ATP10A: variants seen among roughly 807,000 people sequenced by gnomAD.
The protein encoded by ATP10A is phospholipid-transporting ATPase VA.
Under a neutral mutation model 147.8 loss-of-function variants are expected in ATP10A, and 111 were observed. The observed-to-expected ratio is 0.75, with a 90% confidence interval of 0.64 to 0.88. ATP10A has a LOEUF of 0.88. Among genes scored for constraint, ATP10A ranks in the 40% least tolerant of loss-of-function variants. The pLI is 0.00. For synonymous variants in ATP10A, 875 were observed against 841.6 expected, an observed-to-expected ratio of 1.04 and a Z score of -0.69; for missense variants, 1,927 against 1,959.0, an observed-to-expected ratio of 0.98 and a Z score of 0.31.
chr15:25,721,744 A>C lies in ATP10A; in HGVS notation c.1276T>G (p.Ser426Ala). Residue 426 changes from serine to alanine, a missense_variant, in exon 7 of 21, where the codon TCA becomes GCA. Transcript: ENST00000555815. Reference sequence around the variant, plus strand: ...TCTGTCAAAGTGCCAGTTTTATCTGAGAAAATGTACTGTATCTGTCCTAAG... The same window carrying C: ...TCTGTCAAAGTGCCAGTTTTATCTGCGAAAATGTACTGTATCTGTCCTAAG... Reference protein sequence around the residue: ...EDLGQIQYIFSDKTGTLTENK... With the variant: ...EDLGQIQYIFADKTGTLTENK... 1 of 1,614,210 alleles carries C rather than the reference A, an allele frequency of 6.2e-7. No homozygotes were observed.
chr15:25,697,234 A>G (rs1900388398), intron 13 of ATP10A, among the ~76,000 whole-genome samples: 1 of 152,234 alleles, frequency 6.6e-6, no homozygotes, highest in African/African-American at 2.4e-5. Context: ...ATGCAAGACT[A>G]GGTCTTATAA....
At chr15:25,777,617 G>A (rs1022512199) in intron 2 of ATP10A, among the ~76,000 whole-genome samples, 1 of 151,638 alleles carries the variant, frequency 6.6e-6, no homozygotes, top group African/African-American at 2.4e-5. Flanking sequence ...ATATATATTG[G>A]AGACAGAGAT....
intron 2 of ATP10A, among the ~76,000 whole-genome samples, chr15:25,749,963 T>C (rs1888061910): frequency 1.3e-5 from 2 of 151,980 alleles, no homozygotes; most frequent in Admixed American, 6.6e-5. Context: ...AAAGAGAGGA[T>C]TGGTAAGTTG....
rs183416922 is a variant in ATP10A at position 25,705,019 on chromosome 15, A to T, written c.2576-2919T>A. The stretch of plus-strand genomic sequence containing the variant: ...ACTAGCAAGGACGCCGGGGAAAATG[A>T]GCAAGAGTATCCTTTGAATTTAGGT... On this transcript the variant is annotated intron_variant, in intron 12 of 20. Coordinates refer to ENST00000555815, the MANE Select transcript of ATP10A (RefSeq NM_024490.4). Among the ~76,000 whole-genome samples, 46 of 152,362 alleles carry T rather than the reference A, an allele frequency of 3.0e-4. No homozygotes were observed. In the East Asian group the frequency reaches 7.5e-3, roughly 25 times the overall value.
intron 1 of ATP10A, among the ~76,000 whole-genome samples, chr15:25,824,887 G>A (rs1353691672): frequency 6.6e-6 from 1 of 152,082 alleles, no homozygotes; most frequent in Non-Finnish European, 1.5e-5. Context: ...TAGGCCAGGT[G>A]CTGTGGTTCA....
chr15:25,762,656 A>G (rs1318291885), intron 2 of ATP10A, among the ~76,000 whole-genome samples: 1 of 152,164 alleles, frequency 6.6e-6, no homozygotes, highest in Non-Finnish European at 1.5e-5. Flanking sequence ...ATCATAGCTC[A>G]CTGCAAACTA....
chr15:25,727,713 A>AT (rs918996584), intron 3 of ATP10A, among the ~76,000 whole-genome samples: 1 of 152,234 alleles, frequency 6.6e-6, no homozygotes, highest in Non-Finnish European at 1.5e-5. Context: ...TATTGGTTTC[A>AT]TTTTTAACAT....
At chr15:25,800,536 C>T (rs1160451732) in intron 1 of ATP10A, among the ~76,000 whole-genome samples, 5 of 152,318 alleles carry the variant, frequency 3.3e-5, no homozygotes, top group Admixed American at 6.5e-5. Flanking sequence ...TCACTCCACG[C>T]GTGCCTGCTG....
At chr15:25,861,964 G>T in intron 1 of ATP10A, 2 of 287,738 alleles carry the variant, frequency 7.0e-6, no homozygotes, top group Non-Finnish European at 1.4e-5. Flanking sequence ...TCCATCGCAG[G>T]GTCACCCCTG....
intron 1 of ATP10A, chr15:25,861,913 G>A (rs940176895): frequency 1.3e-5 from 3 of 223,672 alleles, no homozygotes; most frequent in Admixed American, 5.3e-5. Context: ...CAGGTCCGCC[G>A]GAGACTCTAA....
chr15:25,837,389 G>A (rs566822318), intron 1 of ATP10A, among the ~76,000 whole-genome samples: 89 of 152,276 alleles, frequency 5.8e-4, no homozygotes, highest in Admixed American at 2.7e-3. Flanking sequence ...TGAACCTGAG[G>A]GACCTGAAGT....
chr15:25,862,707 G>GTCC lies in ATP10A; in HGVS notation c.387_389dup (p.Glu129dup). ...TGTGGTCGGAGCGGTGGCGGCTGTA[G>GTCC]TCCTCCCACAGGTCCCTGAAGGCCG... On this transcript the variant is annotated inframe_insertion, in exon 1 of 21. Coordinates refer to ENST00000555815, the MANE Select transcript of ATP10A (RefSeq NM_024490.4). The GTCC allele has an allele frequency of 6.2e-7, 1 of 1,610,534 alleles. No individual in the cohort carries two copies. Among genetic ancestry groups the GTCC allele is most frequent in the East Asian group, 2.2e-5 (1 of 44,744 alleles).
intron 2 of ATP10A, among the ~76,000 whole-genome samples, chr15:25,740,345 A>G (rs931415732): frequency 1.3e-5 from 2 of 152,242 alleles, no homozygotes; most frequent in African/African-American, 4.8e-5. Flanking sequence ...GGTCATCTGC[A>G]GGTCTGCTGC....
intron 7 of ATP10A, among the ~76,000 whole-genome samples, chr15:25,718,639 GCTTT>G (rs1167597287): frequency 6.6e-6 from 1 of 152,140 alleles, no homozygotes; most frequent in Non-Finnish European, 1.5e-5. Flanking sequence ...AACGTAAGGA[GCTTT>G]CTAAGGTCGC....
intron 1 of ATP10A, among the ~76,000 whole-genome samples, chr15:25,797,851 G>A (rs550830972): frequency 1.3e-5 from 2 of 152,198 alleles, no homozygotes; most frequent in African/African-American, 4.8e-5. Flanking sequence ...CATGCTACCC[G>A]ATCTCACCCT....
intron 2 of ATP10A, among the ~76,000 whole-genome samples, chr15:25,752,436 T>TCC: frequency 1.3e-5 from 2 of 152,344 alleles, no homozygotes; most frequent in East Asian, 3.9e-4. Context: ...ATATGTGGAA[T>TCC]CTAAAGCAAC....
At chr15:25,672,312 T>C (rs1365448349), downstream of ATP10A, among the ~76,000 whole-genome samples, 2 of 152,202 alleles carry the variant, frequency 1.3e-5, no homozygotes, top group East Asian at 3.8e-4. Context: ...GTACATGTGT[T>C]AGACATTCCC....
In ATP10A at chr15:25,855,573, C is replaced by CACACAT. The variant is rs1324967698; in HGVS notation, c.449+7074_449+7075insATGTGT. 7.9e-5 allele frequency among the ~76,000 whole-genome samples: 12 copies of CACACAT among 151,706 alleles called. No homozygotes were observed. In the East Asian group the frequency reaches 1.9e-3, roughly 24 times the overall value. ...ACACACACACACACACACACACACA[C>CACACAT]ATACATGCAAACAGCTAGCATCATA... On this transcript the variant is annotated intron_variant, in intron 1 of 20. Transcript: ENST00000555815.
At chr15:25,685,472 G>A (rs1048982743) in intron 16 of ATP10A, among the ~76,000 whole-genome samples, 1 of 152,104 alleles carries the variant, frequency 6.6e-6, no homozygotes, top group African/African-American at 2.4e-5. Flanking sequence ...CCTTCGATCT[G>A]AGACATTTTA....
Sources: allele counts gnomAD v4.1 joint callset (sites outside exome capture counted in the v4.1 genomes callset), GRCh38; gene constraint gnomAD v4.1.1; transcripts MANE v1.5; gene names NCBI Gene and HGNC (gene_info 2026-07-23, HGNC 2026-07-21).